The following ABI3BP variants were observed in gnomAD, a reference collection of about 807,000 sequenced individuals.
ABI3BP encodes ABI family member 3 binding protein.
ABI3BP carries 216 observed loss-of-function variants against 268.6 expected under a neutral mutation model. The ratio of observed to expected loss-of-function variants is 0.80; its 90% confidence interval spans 0.72 to 0.90. ABI3BP has a LOEUF of 0.90. Ranked by LOEUF, ABI3BP falls within the 40% of genes least tolerant of loss-of-function variation. The probability of loss-of-function intolerance (pLI) is 0.00; values close to 1 mark genes in which losing one functional copy is unlikely to be tolerated. For missense variants in ABI3BP, 2,090 were observed against 2,182.4 expected (o/e 0.96, Z 0.84); for synonymous variants, 730 against 730.0 (o/e 1.00, Z 0.00).
intron 62 of ABI3BP, among the ~76,000 whole-genome samples, chr3:100,769,353 A>T (rs114657559): frequency 0.047 from 7,197 of 152,246 alleles, 472 homozygotes; most frequent in African/African-American, 0.15. Flanking sequence ...ACATTTAGTA[A>T]CAGCATTACA....
chr3:100,758,891 T>C (rs2095787648), intron 63 of ABI3BP, among the ~76,000 whole-genome samples: 1 of 152,226 alleles, frequency 6.6e-6, no homozygotes, highest in African/African-American at 2.4e-5. Context: ...AGCCTGAGAC[T>C]GATTTCTTCT....
chr3:100,816,141 C>A, intron 43 of ABI3BP, 170 bp from the exon 44 acceptor site: 1 of 549,162 alleles, frequency 1.8e-6, no homozygotes, highest in South Asian at 2.7e-5. Context: ...CTAGCTAGAA[C>A]AATTCATCAA....
chr3:100,964,015 T>C (rs1288425449), intron 1 of ABI3BP, among the ~76,000 whole-genome samples: 1 of 152,226 alleles, frequency 6.6e-6, no homozygotes, highest in Non-Finnish European at 1.5e-5. Context: ...ATACTATTAA[T>C]ACAGGAGTTA....
chr3:100,871,966 A>G (rs1050373746), intron 9 of ABI3BP, among the ~76,000 whole-genome samples: 1 of 152,168 alleles, frequency 6.6e-6, no homozygotes, highest in Non-Finnish European at 1.5e-5. Flanking sequence ...CCTTCTGAGT[A>G]GTTAGGACTA....
intron 57 of ABI3BP, among the ~76,000 whole-genome samples, chr3:100,781,869 C>A (rs1231136159): frequency 2.0e-5 from 3 of 152,150 alleles, no homozygotes; most frequent in Non-Finnish European, 2.9e-5. Flanking sequence ...CCACATCCCA[C>A]AGATGAGAAA....
chr3:100,880,929 T>C (rs2099223336), intron 6 of ABI3BP, among the ~76,000 whole-genome samples: 1 of 152,092 alleles, frequency 6.6e-6, no homozygotes, highest in Non-Finnish European at 1.5e-5. Flanking sequence ...AGAGGAGCTG[T>C]CCATTTGGGT....
chr3:100,835,574 A>G (rs2098564484), intron 28 of ABI3BP, 27 bp downstream of exon 28: 1 of 1,510,942 alleles, frequency 6.6e-7, no homozygotes, highest in Non-Finnish European at 8.9e-7. Context: ...GAAAAAACTC[A>G]TACTTAAAGA....
At chr3:100,801,782 A>G (rs964295247) in intron 51 of ABI3BP, among the ~76,000 whole-genome samples, 1 of 152,198 alleles carries the variant, frequency 6.6e-6, no homozygotes, top group Non-Finnish European at 1.5e-5. Flanking sequence ...GAAGATGATA[A>G]TGAAACATTG....
intron 1 of ABI3BP, among the ~76,000 whole-genome samples, chr3:100,962,592 C>T (rs2079544403): frequency 6.6e-6 from 1 of 152,302 alleles, no homozygotes; most frequent in African/African-American, 2.4e-5. Context: ...ACAAACAAAA[C>T]ACTCTCTGTA....
intron 2 of ABI3BP, chr3:100,911,637 G>A: frequency 2.8e-6 from 2 of 712,534 alleles, no homozygotes; most frequent in Non-Finnish European, 5.1e-6. Flanking sequence ...AGTGGATGTA[G>A]AGGAACCTGA....
intron 22 of ABI3BP, among the ~76,000 whole-genome samples, 183 bp from the exon 23 acceptor site, chr3:100,840,347 C>G (rs2098674159): frequency 6.6e-6 from 1 of 151,946 alleles, no homozygotes; most frequent in African/African-American, 2.4e-5. Context: ...ATTTTTTTGT[C>G]ACAGATTAAT....
At chr3:100,918,171 G>T (rs1471350453) in intron 2 of ABI3BP, among the ~76,000 whole-genome samples, 1 of 152,056 alleles carries the variant, frequency 6.6e-6, no homozygotes, top group Non-Finnish European at 1.5e-5. Context: ...AGAATTAGAT[G>T]ACATTTTGAA....
At chr3:100,764,383 G>C (rs1246983188) in intron 63 of ABI3BP, among the ~76,000 whole-genome samples, 1 of 152,198 alleles carries the variant, frequency 6.6e-6, no homozygotes, top group Non-Finnish European at 1.5e-5. Flanking sequence ...CAGCCACCAT[G>C]TTTATTCGTG....
rs2098808554 is a variant in ABI3BP at position 100,849,025 on chromosome 3, G to A, written c.1502-150C>T. On this transcript the variant is annotated intron_variant, in intron 17 of 67. Coordinates refer to ENST00000471714, the MANE Select transcript of ABI3BP (RefSeq NM_001375547.2). ...CCAGTATACCTTGTTTTATACACAG[G>A]AGGTGCTCAATAAACAAGGGGTGAC... 1.2e-5 allele frequency: 8 copies of A among 673,682 alleles called. No homozygotes were observed. In the South Asian group the frequency reaches 1.3e-4, roughly 11 times the overall value. The allele number at this position is 673,682 out of a possible 1,614,324, so 41.7% of individuals were successfully genotyped here. A position where few individuals can be genotyped will look rare whatever the true frequency, so the allele number is the denominator to read the frequency against.
chr3:100,840,444 A>G (rs1445835168), intron 22 of ABI3BP, among the ~76,000 whole-genome samples: 1 of 152,186 alleles, frequency 6.6e-6, no homozygotes, highest in Non-Finnish European at 1.5e-5. Context: ...AGTCACTCAA[A>G]AATATTGAAG....
At position 100,949,078 on chromosome 3, in the gene ABI3BP, C is replaced by CTT. The variant is rs575214251; in HGVS notation, c.80-22598_80-22597insAA. On this transcript the variant is annotated intron_variant, in intron 1 of 67. Coordinates refer to ENST00000471714, the MANE Select transcript of ABI3BP (RefSeq NM_001375547.2). The stretch of plus-strand genomic sequence containing the variant: ...ATAAGGTTATACTCCAAGTGCTGTT[C>CTT]CATAACCTGCATTTTCTTCAATATA... Among the ~76,000 whole-genome samples the CTT allele has an allele frequency of 1.1e-3, 169 of 152,200 alleles. 2 individuals are homozygous for CTT. Among genetic ancestry groups the CTT allele is most frequent in the African/African-American group, 3.9e-3 (164 of 41,532 alleles).
intron 2 of ABI3BP, among the ~76,000 whole-genome samples, chr3:100,920,152 A>C (rs931905560): frequency 6.6e-6 from 1 of 152,202 alleles, no homozygotes; most frequent in African/African-American, 2.4e-5. Flanking sequence ...TCTATCCTCT[A>C]CAATTTTACC....
rs1317890331 is a variant in ABI3BP, at chr3:100,749,861, C to CTGAT, written c.*630_*633dup. ...CCATTTTTAGCTGAAATGAAATTTACTGATTCAATCTTTTTAAGAATTTGT... is the reference window on the plus strand; with the variant it reads ...CCATTTTTAGCTGAAATGAAATTTACTGATTGATTCAATCTTTTTAAGAATTTGT... On this transcript the variant is annotated 3_prime_UTR_variant, in exon 68 of 68. Transcript: ENST00000471714. 1.8e-5 allele frequency: 7 copies of CTGAT among 395,892 alleles called. No homozygotes were observed. Among genetic ancestry groups the CTGAT allele is most frequent in the African/African-American group, 1.0e-4 (5 of 48,522 alleles). The allele number at this position is 395,892 out of a possible 1,614,324, so 24.5% of individuals were successfully genotyped here. A position where few individuals can be genotyped will look rare whatever the true frequency, so the allele number is the denominator to read the frequency against.
At chr3:100,812,567 G>GT in intron 45 of ABI3BP, 44 bp from the exon 46 acceptor site, 1 of 1,234,982 alleles carries the variant, frequency 8.1e-7, no homozygotes, top group Non-Finnish European at 1.0e-6. Flanking sequence ...AGGATAGGTT[G>GT]TAAGTATTTA....
Sources: allele counts gnomAD v4.1 joint callset (sites outside exome capture counted in the v4.1 genomes callset), GRCh38; gene constraint gnomAD v4.1.1; transcripts MANE v1.5; gene names NCBI Gene and HGNC (gene_info 2026-07-23, HGNC 2026-07-21).